Variants in NELL1 observed in about 807,000 individuals in gnomAD.
NELL1 encodes the protein neural EGFL like 1, also known as protein kinase C-binding protein NELL1.
NELL1 carries 76 observed loss-of-function variants against 107.4 expected under a neutral mutation model. The ratio of observed to expected loss-of-function variants is 0.71; its 90% confidence interval spans 0.59 to 0.86. The LOEUF (loss-of-function observed/expected upper bound fraction) is 0.86, where lower values mean the gene tolerates loss of function less well. Among genes scored for constraint, NELL1 ranks in the 40% least tolerant of loss-of-function variants. NELL1 has a pLI of 0.00. For synonymous variants in NELL1, 353 were observed against 341.2 expected, an observed-to-expected ratio of 1.03 and a Z score of -0.38; for missense variants, 1,024 against 1,005.5, an observed-to-expected ratio of 1.02 and a Z score of -0.25.
intron 12 of NELL1, among the ~76,000 whole-genome samples, chr11:21,062,559 T>G (rs1405939444): frequency 6.6e-6 from 1 of 152,188 alleles, no homozygotes; most frequent in Non-Finnish European, 1.5e-5. Context: ...TTCATTTGCC[T>G]TTAGTGTTTG....
chr11:21,106,811 A>G (rs533851071), intron 12 of NELL1, among the ~76,000 whole-genome samples: 53 of 152,286 alleles, frequency 3.5e-4, no homozygotes, highest in African/African-American at 1.2e-3. Context: ...CTATAATTAT[A>G]GAAAAACATG....
chr11:21,442,689 G>T (rs1311598945), intron 15 of NELL1, among the ~76,000 whole-genome samples: 1 of 152,082 alleles, frequency 6.6e-6, no homozygotes, highest in Non-Finnish European at 1.5e-5. Flanking sequence ...CATTTTCAGA[G>T]ATATATAATA....
At chr11:20,998,959 A>G (rs1013170759) in intron 12 of NELL1, among the ~76,000 whole-genome samples, 5 of 152,210 alleles carry the variant, frequency 3.3e-5, no homozygotes, top group African/African-American at 9.6e-5. Flanking sequence ...GACTTCTACC[A>G]TTACTTGAAA....
chr11:20,925,035 A>G (rs572096440), intron 7 of NELL1, among the ~76,000 whole-genome samples: 2 of 152,300 alleles, frequency 1.3e-5, no homozygotes, highest in East Asian at 3.9e-4. Flanking sequence ...AGTTATCTAG[A>G]GATGACTTAA....
At chr11:21,278,648 T>C (rs1848923925) in intron 14 of NELL1, among the ~76,000 whole-genome samples, 1 of 152,062 alleles carries the variant, frequency 6.6e-6, no homozygotes, top group Admixed American at 6.5e-5. Flanking sequence ...AAGAACTAAA[T>C]AGAGAGATAA....
intron 13 of NELL1, among the ~76,000 whole-genome samples, chr11:21,203,430 CTTTTTTT>C (rs35689054): frequency 9.9e-6 from 1 of 101,312 alleles, no homozygotes; most frequent in Non-Finnish European, 2.0e-5. Context: ...GCAACCCTTG[CTTTTTTT>C]TTTTTTTTTT....
At chr11:20,688,191 T>A (rs1202249383) in intron 2 of NELL1, among the ~76,000 whole-genome samples, 1 of 152,110 alleles carries the variant, frequency 6.6e-6, no homozygotes, top group Non-Finnish European at 1.5e-5. Context: ...TTTTTTTTTA[T>A]TTTTTAAATT....
intron 2 of NELL1, among the ~76,000 whole-genome samples, chr11:20,729,187 T>C (rs966320020): frequency 6.6e-6 from 1 of 152,196 alleles, no homozygotes; most frequent in Admixed American, 6.5e-5. Context: ...AAACAGTTTA[T>C]TAGCTCTTAT....
intron 14 of NELL1, among the ~76,000 whole-genome samples, chr11:21,321,468 C>G (rs1565166647): frequency 6.6e-6 from 1 of 152,094 alleles, no homozygotes; most frequent in Non-Finnish European, 1.5e-5. Flanking sequence ...CAAGTTTTCT[C>G]TTTTTATCTC....
intron 12 of NELL1, among the ~76,000 whole-genome samples, chr11:21,084,252 G>A (rs547610352): frequency 6.6e-6 from 1 of 152,108 alleles, no homozygotes; most frequent in Non-Finnish European, 1.5e-5. Context: ...CAATGTTAGT[G>A]TCAAAGATAG....
At chr11:21,228,980 G>A (rs1857970805) in intron 13 of NELL1, among the ~76,000 whole-genome samples, 1 of 151,762 alleles carries the variant, frequency 6.6e-6, no homozygotes, top group Non-Finnish European at 1.5e-5. Context: ...TCAAATGTTT[G>A]CAGGATGAGG....
intron 14 of NELL1, among the ~76,000 whole-genome samples, chr11:21,336,129 C>T (rs775178678): frequency 9.9e-5 from 15 of 151,676 alleles, no homozygotes; most frequent in Non-Finnish European, 1.5e-4. Flanking sequence ...GTGTTTTTTT[C>T]GTAAACTTTC....
At chr11:21,492,855 G>A (rs961260717) in intron 15 of NELL1, among the ~76,000 whole-genome samples, 3 of 151,618 alleles carry the variant, frequency 2.0e-5, no homozygotes, top group South Asian at 2.1e-4. Flanking sequence ...TGTAACTAAC[G>A]TGCACATTGT....
intron 14 of NELL1, among the ~76,000 whole-genome samples, chr11:21,243,650 A>G (rs575058906): frequency 6.6e-6 from 1 of 152,286 alleles, no homozygotes; most frequent in South Asian, 2.1e-4. Flanking sequence ...CTAGAACAGT[A>G]CTGTTCAACT....
At chr11:21,499,179 C>T (rs1855070243) in intron 15 of NELL1, among the ~76,000 whole-genome samples, 1 of 151,618 alleles carries the variant, frequency 6.6e-6, no homozygotes, top group African/African-American at 2.4e-5. Context: ...TCACTTTTTT[C>T]CTGAGTTTTA....
chr11:21,274,125 C>A (rs374728934), intron 14 of NELL1, among the ~76,000 whole-genome samples: 12 of 152,050 alleles, frequency 7.9e-5, no homozygotes, highest in Non-Finnish European at 1.3e-4. Flanking sequence ...ATAAAGAGTC[C>A]AGACCCATCA....
intron 14 of NELL1, among the ~76,000 whole-genome samples, chr11:21,343,478 T>C (rs1007257469): frequency 1.3e-5 from 2 of 152,098 alleles, no homozygotes; most frequent in African/African-American, 4.8e-5. Flanking sequence ...TACCCTTCCT[T>C]AATGTTTTTT....
At chr11:21,200,232 C>A (rs949951613) in intron 13 of NELL1, among the ~76,000 whole-genome samples, 3 of 152,148 alleles carry the variant, frequency 2.0e-5, no homozygotes, top group Non-Finnish European at 2.9e-5. Context: ...CTGTCTTCCA[C>A]AATGGTTGAA....
intron 14 of NELL1, among the ~76,000 whole-genome samples, chr11:21,264,381 A>AAT (rs535174923): frequency 2.2e-3 from 329 of 151,988 alleles, no homozygotes; most frequent in African/African-American, 7.7e-3. Context: ...ACAAGCCTTG[A>AAT]ATATGGTGCC....
Sources: gnomAD v4.1 joint callset for allele counts (sites outside exome capture counted in the v4.1 genomes callset) on GRCh38, gnomAD v4.1.1 for gene constraint, MANE v1.5 for transcripts, NCBI Gene and HGNC (gene_info 2026-07-23, HGNC 2026-07-21) for gene names.